KDSR: variants seen among roughly 807,000 people sequenced by gnomAD.
KDSR encodes the protein 3-dehydrosphinganine reductase.
KDSR carries 23 observed loss-of-function variants against 41.3 expected under a neutral mutation model. The observed-to-expected ratio is 0.56, with a 90% CI of 0.40 to 0.79. The LOEUF is 0.79. Ranked by LOEUF, KDSR falls within the 30% of genes least tolerant of loss-of-function variation. KDSR has a pLI of 0.00. For synonymous variants in KDSR, 138 were observed against 151.7 expected (o/e 0.91, Z 0.66); for missense variants, 351 against 416.8 (o/e 0.84, Z 1.37).
intron 9 of KDSR, 73 bp downstream of exon 9, chr18:63,335,184 A>T: frequency 2.1e-6 from 2 of 955,946 alleles, no homozygotes; most frequent in Admixed American, 2.0e-5. Context: ...ACCTCTTCTC[A>T]TCAAGGTTTG....
In KDSR at chr18:63,331,728, G is replaced by T; in HGVS notation, c.*54C>A. On this transcript the variant is annotated 3_prime_UTR_variant, in exon 10 of 10. Coordinates refer to ENST00000645214, the MANE Select transcript of KDSR (RefSeq NM_002035.4). ...TAGGCCAAAAATTGGGTCCCATTTAGCAGCAAGCTGTTCAAATTATTTGGA... is the reference window on the plus strand; with the variant it reads ...TAGGCCAAAAATTGGGTCCCATTTATCAGCAAGCTGTTCAAATTATTTGGA... 6.3e-7 allele frequency: 1 copy of T among 1,588,000 alleles called. No homozygotes were observed. Among genetic ancestry groups the T allele is most frequent in the Non-Finnish European group, 8.6e-7 (1 of 1,166,184 alleles).
intron 3 of KDSR, among the ~76,000 whole-genome samples, chr18:63,357,949 G>A (rs1023368074): frequency 2.0e-5 from 3 of 152,004 alleles, no homozygotes; most frequent in Non-Finnish European, 4.4e-5. Flanking sequence ...AGGCTGAGGC[G>A]GGCGGATCAC....
chr18:63,347,495 CAAAAAAAAAAAAA>C (rs36023779), intron 6 of KDSR, among the ~76,000 whole-genome samples: 1 of 56,984 alleles, frequency 1.8e-5, no homozygotes, highest in African/African-American at 9.3e-5. Context: ...GACTCCATCT[CAAAAAAAAAAAAA>C]AAAAAAAAAA....
At chr18:63,355,641 C>T in intron 3 of KDSR, 78 bp from the exon 4 acceptor site, 2 of 1,445,274 alleles carry the variant, frequency 1.4e-6, no homozygotes, top group Non-Finnish European at 9.0e-7. Context: ...AAAGAAAAGA[C>T]AGTTCATTGA....
At chr18:63,338,080 T>C (rs1914235972) in intron 8 of KDSR, among the ~76,000 whole-genome samples, 1 of 152,240 alleles carries the variant, frequency 6.6e-6, no homozygotes, top group Non-Finnish European at 1.5e-5. Flanking sequence ...CACATGTATA[T>C]ATTTCAACAG....
chr18:63,341,741 G>A (rs1467076251), intron 7 of KDSR, among the ~76,000 whole-genome samples: 1 of 152,120 alleles, frequency 6.6e-6, no homozygotes, highest in Non-Finnish European at 1.5e-5. Context: ...GGAAAAACAG[G>A]TTCTATACAA....
At chr18:63,335,544 C>T (rs1050125453) in intron 8 of KDSR, 186 bp from the exon 9 acceptor site, 19 of 554,988 alleles carry the variant, frequency 3.4e-5, no homozygotes, top group Non-Finnish European at 5.8e-5. Context: ...ACAAGTGAGT[C>T]CACGGACCCC....
rs188183839 is a variant in KDSR, at chr18:63,328,656, G to A, written c.*3126C>T. The A allele has an allele frequency of 1.7e-4, 29 of 167,596 alleles. No homozygotes were observed. The highest frequency in any genetic ancestry group is 2.9e-4 in the Non-Finnish European group (22 of 76,730). The allele number at this position is 167,596 out of a possible 1,614,324, so 10.4% of individuals were successfully genotyped here. A position where few individuals can be genotyped will look rare whatever the true frequency, so the allele number is the denominator to read the frequency against. On this transcript the variant is annotated 3_prime_UTR_variant, in exon 10 of 10. Transcript: ENST00000645214. ...ATTACTGGCGTGAGCCACCACGCCCGGCCCAGAGAAAGATTTATAACTAAA... is the reference window on the plus strand; with the variant it reads ...ATTACTGGCGTGAGCCACCACGCCCAGCCCAGAGAAAGATTTATAACTAAA...
chr18:63,331,876 G>A lies in KDSR; in HGVS notation c.905C>T (p.Thr302Ile). The A allele has an allele frequency of 1.2e-6, 2 of 1,613,908 alleles. No homozygotes were observed. The highest frequency in any genetic ancestry group is 1.7e-6 in the Non-Finnish European group (2 of 1,179,860). Reference protein sequence around the residue: ...QQVVTMGLFRTIALFYLGSFD... With the variant: ...QQVVTMGLFRIIALFYLGSFD... ...ACTTCCAAGGTAAAACAAAGCAATA[G>A]TGCGGAAAAGGCCCATGGTGACCAC... The change falls in exon 10 of 10, where the codon ACT becomes ATT. Residue 302 changes from threonine to isoleucine, a missense_variant. By Grantham distance (89) the Thr-to-Ile change is moderately conservative. Transcript: ENST00000645214.
chr18:63,363,087 C>A (rs1915036580), intron 1 of KDSR, among the ~76,000 whole-genome samples: 2 of 152,118 alleles, frequency 1.3e-5, no homozygotes, highest in South Asian at 2.1e-4. Context: ...CTTATGGAAC[C>A]ATAAATTGCA....
intron 1 of KDSR, among the ~76,000 whole-genome samples, chr18:63,364,708 T>G (rs1265824594): frequency 6.6e-6 from 1 of 152,198 alleles, no homozygotes; most frequent in Non-Finnish European, 1.5e-5. Flanking sequence ...CCTCCCAAAG[T>G]GCTGGGATTA....
chr18:63,338,968 C>T, intron 7 of KDSR, 85 bp from the exon 8 acceptor site: 2 of 771,952 alleles, frequency 2.6e-6, no homozygotes, highest in Non-Finnish European at 4.1e-6. Flanking sequence ...TCCTGATTTA[C>T]AAATAATTCC....
Position 63,331,865 on chromosome 18 carries a change from A to G in KDSR, c.916T>C (p.Phe306Leu). Residue 306 changes from phenylalanine to leucine, a missense_variant, in exon 10 of 10, where the codon TTT becomes CTT. Coordinates refer to ENST00000645214, the MANE Select transcript of KDSR (RefSeq NM_002035.4). ...ATGCTGTCAAAACTTCCAAGGTAAA[A>G]CAAAGCAATAGTGCGGAAAAGGCCC... ...TMGLFRTIALFYLGSFDSIVR... is the reference protein window; with the variant it reads ...TMGLFRTIALLYLGSFDSIVR... 1 of 1,614,002 alleles carries G rather than the reference A, an allele frequency of 6.2e-7. No homozygotes were observed. Among genetic ancestry groups the G allele is most frequent in the Non-Finnish European group, 8.5e-7 (1 of 1,179,942 alleles).
intron 9 of KDSR, among the ~76,000 whole-genome samples, chr18:63,334,075 C>T (rs1170082735): frequency 2.0e-5 from 3 of 152,186 alleles, no homozygotes; most frequent in Non-Finnish European, 2.9e-5. Flanking sequence ...AGGGGTACAA[C>T]GGCAAACAAG....
chr18:63,355,140 T>C, intron 5 of KDSR, 64 bp downstream of exon 5: 2 of 1,080,104 alleles, frequency 1.9e-6, no homozygotes, highest in Non-Finnish European at 2.8e-6. Context: ...CTTAAAGCTT[T>C]TACCCGTAGC....
Position 63,328,732 on chromosome 18 carries a change from G to A in KDSR, c.*3050C>T, listed in dbSNP as rs2144339966. 1 of 179,154 alleles carries A rather than the reference G, an allele frequency of 5.6e-6. No individual in the cohort carries two copies. The highest frequency in any genetic ancestry group is 2.4e-5 in the African/African-American group (1 of 42,450). 11.1% of individuals were successfully genotyped at this position (179,154 alleles called of 1,614,324 possible). On this transcript the variant is annotated 3_prime_UTR_variant, in exon 10 of 10. Coordinates refer to ENST00000645214, the MANE Select transcript of KDSR (RefSeq NM_002035.4). ...ATTTTGTTTTTGTAAAAAGAAGTAAGGATTGTTTTCTATATATTTTTCAAT... is the reference window on the plus strand; with the variant it reads ...ATTTTGTTTTTGTAAAAAGAAGTAAAGATTGTTTTCTATATATTTTTCAAT...
Position 63,362,807 on chromosome 18 carries a change from G to C in KDSR, c.170C>G (p.Ala57Gly). Residue 57 changes from alanine to glycine, a missense_variant, in exon 2 of 10, where the codon GCT becomes GGT. Physicochemically the swap from Ala to Gly is moderately conservative, Grantham distance 60 (BLOSUM62 0). Coordinates refer to ENST00000645214, the MANE Select transcript of KDSR (RefSeq NM_002035.4). ...ATTTCGTGCAACCAGAGTTATAAAAGCTCCTTGTTTATAGCACTCGATAGC... is the reference window on the plus strand; with the variant it reads ...ATTTCGTGCAACCAGAGTTATAAAACCTCCTTGTTTATAGCACTCGATAGC... ...CIAIECYKQG[A>G]FITLVARNED... 6.2e-7 allele frequency: 1 copy of C among 1,613,152 alleles called. No homozygotes were observed. The highest frequency in any genetic ancestry group is 1.1e-5 in the South Asian group (1 of 90,978).
intron 8 of KDSR, among the ~76,000 whole-genome samples, chr18:63,336,378 A>T (rs1258364015): frequency 6.6e-6 from 1 of 151,770 alleles, no homozygotes; most frequent in Non-Finnish European, 1.5e-5. Context: ...AATCTATAGT[A>T]ATTCAGACTT....
chr18:63,341,972 T>C (rs966358551), intron 7 of KDSR, among the ~76,000 whole-genome samples: 17 of 134,310 alleles, frequency 1.3e-4, no homozygotes, highest in Middle Eastern at 3.6e-3. Context: ...GAGACCAGCC[T>C]GGCCAACATG....
Sources: gnomAD v4.1 joint callset for allele counts (sites outside exome capture counted in the v4.1 genomes callset) on GRCh38, gnomAD v4.1.1 for gene constraint, MANE v1.5 for transcripts, NCBI Gene and HGNC (gene_info 2026-07-23, HGNC 2026-07-21) for gene names.